Variants in HACL1 observed in about 807,000 individuals in gnomAD.
The protein encoded by HACL1 is 1600020H07Rik.
HACL1 carries 64 observed loss-of-function variants against 74.2 expected under a neutral mutation model. The ratio of observed to expected loss-of-function variants is 0.86; its 90% CI spans 0.70 to 1.06. The LOEUF is 1.06. HACL1 is among the 50% of genes least tolerant of loss of function. The probability of loss-of-function intolerance (pLI) is 0.00; values close to 1 mark genes in which losing one functional copy is unlikely to be tolerated. For missense variants in HACL1, 728 were observed against 719.7 expected, an observed-to-expected ratio of 1.01 and a Z score of -0.13; for synonymous variants, 230 against 238.8, an observed-to-expected ratio of 0.96 and a Z score of 0.34.
In HACL1 at chr3:15,601,122, T is replaced by C. The variant is rs2064218200; in HGVS notation, c.154A>G (p.Ile52Val). The stretch of plus-strand genomic sequence containing the variant: ...TCATTCCTCATCCCGATGTACTTGA[T>C]GCCTAGCTGCTGGGCAGCAATGGCG... ...EIAIAAQQLG[I>V]KYIGMRNEQA... is the part of the protein sequence containing the mutation. The change falls in exon 2 of 17, where the codon ATC (isoleucine) becomes GTC (valine). Residue 52 changes from isoleucine to valine, a missense_variant. Coordinates refer to ENST00000321169, the MANE Select transcript of HACL1 (RefSeq NM_012260.4). 2 of 1,613,544 alleles carry C rather than the reference T, an allele frequency of 1.2e-6. No individual in the cohort carries two copies. The highest frequency in any genetic ancestry group is 1.7e-6 in the Non-Finnish European group (2 of 1,179,398).
At chr3:15,591,560 C>CT in intron 4 of HACL1, 40 bp downstream of exon 4, 1 of 1,254,938 alleles carries the variant, frequency 8.0e-7, no homozygotes, top group Non-Finnish European at 1.2e-6. Flanking sequence ...CTGCAGTGAC[C>CT]TTTTTAAGAA....
intron 1 of HACL1, 58 bp downstream of exon 1, chr3:15,601,325 C>A: frequency 1.2e-6 from 2 of 1,608,728 alleles, no homozygotes. Flanking sequence ...TCCAAGACAA[C>A]ATCGCGGTCC....
intron 12 of HACL1, among the ~76,000 whole-genome samples, chr3:15,569,038 G>A (rs1215680275): frequency 6.6e-6 from 1 of 152,154 alleles, no homozygotes; most frequent in Non-Finnish European, 1.5e-5. Context: ...AATACAATCT[G>A]AAAATCTAGT....
chr3:15,596,092 T>C lies in HACL1; in HGVS notation c.227+292A>G, dbSNP rs2064057788. 5 of 286,902 alleles carry C rather than the reference T, an allele frequency of 1.7e-5. No individual in the cohort carries two copies. In the South Asian group the frequency reaches 3.1e-4, roughly 18 times the overall value. 17.8% of individuals were successfully genotyped at this position (286,902 alleles called of 1,614,324 possible). On this transcript the variant is annotated intron_variant, in intron 3 of 16. Transcript: ENST00000321169. Reference sequence around the variant, plus strand: ...TCACATTTTGAACCAAGCATTTTTGTATTAAGTGTGCTGGGGTAGTTGTGA... The same window carrying C: ...TCACATTTTGAACCAAGCATTTTTGCATTAAGTGTGCTGGGGTAGTTGTGA...
At chr3:15,592,239 T>C (rs59557672) in intron 3 of HACL1, among the ~76,000 whole-genome samples, 22,138 of 142,060 alleles carry the variant, frequency 0.16, 2,993 homozygotes, top group East Asian at 0.37. Context: ...CGTATATACG[T>C]ATACATACGT....
At chr3:15,586,692 TTA>T in intron 5 of HACL1, 90 bp from the exon 6 acceptor site, 1 of 777,736 alleles carries the variant, frequency 1.3e-6, no homozygotes, top group Non-Finnish European at 2.2e-6. Flanking sequence ...TTAATTTCTT[TTA>T]TGTTTAGAGG....
Position 15,573,140 on chromosome 3 carries a change from C to T in HACL1, c.993+19G>A. The T allele has an allele frequency of 1.4e-6, 2 of 1,458,308 alleles. No homozygotes were observed. Among genetic ancestry groups the T allele is most frequent in the Non-Finnish European group, 1.9e-6 (2 of 1,038,658 alleles). The allele number at this position is 1,458,308 out of a possible 1,614,324, so 90.3% of individuals were successfully genotyped here. On this transcript the variant is annotated intron_variant, in intron 11 of 16. Coordinates refer to ENST00000321169, the MANE Select transcript of HACL1 (RefSeq NM_012260.4). ...TTCCCTAATAAGCACTCCACATAAA[C>T]TAAAACAAAAGTTCTCACCTGCTTA... is the stretch of plus-strand genomic sequence containing the variant.
At chr3:15,569,237 T>C (rs1431429533) in intron 12 of HACL1, among the ~76,000 whole-genome samples, 5 of 152,178 alleles carry the variant, frequency 3.3e-5, no homozygotes, top group Non-Finnish European at 7.3e-5. Context: ...CCTCTTCACC[T>C]ATGCTACTTT....
intron 3 of HACL1, chr3:15,596,042 G>A (rs2064056958): frequency 5.5e-6 from 1 of 183,254 alleles, no homozygotes; most frequent in South Asian, 1.8e-4. Flanking sequence ...TAAAAAATCA[G>A]AACGTGTGGA....
rs1213593853 is a variant in HACL1 at position 15,585,316 on chromosome 3, A to G, written c.486T>C (p.Arg162=). ...GTATGTCAACATAGCAAGCACCTGGACGACCATAGATACTGCTTCTCACTG... is the reference window on the plus strand; with the variant it reads ...GTATGTCAACATAGCAAGCACCTGGGCGACCATAGATACTGCTTCTCACTG... ...EKAVRSSIYG[R]PGACYVDIPA... is the part of the protein sequence containing the mutation. Residue 162 remains arginine, a synonymous_variant, in exon 7 of 17, where the codon CGT becomes CGC. Coordinates refer to ENST00000321169, the MANE Select transcript of HACL1 (RefSeq NM_012260.4). 1.9e-6 allele frequency: 3 copies of G among 1,602,864 alleles called. No homozygotes were observed. The highest frequency in any genetic ancestry group is 2.6e-6 in the Non-Finnish European group (3 of 1,169,932).
intron 9 of HACL1, 92 bp from the exon 10 acceptor site, chr3:15,575,174 T>G: frequency 1.5e-6 from 1 of 673,830 alleles, no homozygotes; most frequent in Non-Finnish European, 2.7e-6. Flanking sequence ...GTCTAAATCA[T>G]TTGGAGCTTA....
chr3:15,566,260 A>G (rs1273925238), intron 14 of HACL1, among the ~76,000 whole-genome samples: 1 of 152,212 alleles, frequency 6.6e-6, no homozygotes, highest in African/African-American at 2.4e-5. Flanking sequence ...TAAAACCCCC[A>G]TCCTTCTATA....
chr3:15,568,061 G>A (rs1289939904), intron 13 of HACL1, 59 bp from the exon 14 acceptor site: 37 of 1,396,068 alleles, frequency 2.7e-5, no homozygotes, highest in Non-Finnish European at 3.5e-5. Context: ...GGATGGGATT[G>A]GCACAAACCT....
intron 9 of HACL1, among the ~76,000 whole-genome samples, chr3:15,575,318 C>T (rs1239063343): frequency 6.6e-6 from 1 of 152,014 alleles, no homozygotes; most frequent in Non-Finnish European, 1.5e-5. Flanking sequence ...TGTATCTACA[C>T]TCTTTTATTA....
intron 14 of HACL1, among the ~76,000 whole-genome samples, chr3:15,567,341 C>G (rs1003517105): frequency 1.3e-5 from 2 of 150,874 alleles, no homozygotes; most frequent in African/African-American, 4.9e-5. Flanking sequence ...TCCCGAGTAG[C>G]TGGGATTACA....
chr3:15,568,795 C>T (rs959228534), intron 12 of HACL1, among the ~76,000 whole-genome samples: 6 of 152,128 alleles, frequency 3.9e-5, no homozygotes, highest in African/African-American at 9.7e-5. Flanking sequence ...GTTGGGAACA[C>T]AATTAAATAA....
Position 15,597,632 on chromosome 3 carries a change from GA to G in HACL1, c.187-1209del, listed in dbSNP as rs757519778. Among the ~76,000 whole-genome samples the G allele has an allele frequency of 2.3e-3, 266 of 117,668 alleles. 4 individuals carry two copies. The highest frequency in any genetic ancestry group is 8.8e-3 in the East Asian group (22 of 2,506). 77.2% of individuals were successfully genotyped at this position (117,668 alleles called of 152,430 possible). ...ACTCCACATTAACGACATAAATGTG[GA>G]AAAAAAAAAAAAGGAAATGTTTATG... On this transcript the variant is annotated intron_variant, in intron 2 of 16. Transcript: ENST00000321169.
chr3:15,591,547 A>G, intron 4 of HACL1, 53 bp downstream of exon 4: 1 of 1,069,330 alleles, frequency 9.4e-7, no homozygotes, highest in Non-Finnish European at 1.4e-6. Flanking sequence ...ACTCAGTAAA[A>G]TCCTGCAGTG....
At chr3:15,584,413 C>A (rs1267482238) in intron 7 of HACL1, among the ~76,000 whole-genome samples, 1 of 152,122 alleles carries the variant, frequency 6.6e-6, no homozygotes, top group East Asian at 1.9e-4. Flanking sequence ...CATGATGGAA[C>A]CCTGTCTCTA....
Sources: allele counts gnomAD v4.1 joint callset (sites outside exome capture counted in the v4.1 genomes callset), GRCh38; gene constraint gnomAD v4.1.1; transcripts MANE v1.5; gene names NCBI Gene and HGNC (gene_info 2026-07-23, HGNC 2026-07-21).